Variants in SCIN observed in about 807,000 individuals in gnomAD.
SCIN encodes adseverin.
Under a neutral mutation model 91.8 loss-of-function variants are expected in SCIN, and 91 were observed. That is an observed-to-expected ratio of 0.99 (90% CI 0.84 to 1.18). The LOEUF (loss-of-function observed/expected upper bound fraction) is 1.18, where lower values mean the gene tolerates loss of function less well. Ranked by LOEUF, SCIN falls within the 50% of genes most tolerant of loss-of-function variation. The probability of loss-of-function intolerance (pLI) is 0.00; values close to 1 mark genes in which losing one functional copy is unlikely to be tolerated. For synonymous variants in SCIN, 367 were observed against 312.6 expected (o/e 1.17, Z -1.84); for missense variants, 1,087 against 863.9 (o/e 1.26, Z -3.24).
rs1327066194 is a variant in SCIN at position 12,657,181 on chromosome 7, A to G, written c.*4466A>G. The G allele has an allele frequency of 6.8e-6, 1 of 147,412 alleles. No individual in the cohort carries two copies. Among genetic ancestry groups the G allele is most frequent in the Non-Finnish European group, 1.5e-5 (1 of 66,970 alleles). The allele number at this position is 147,412 out of a possible 1,614,324, so 9.1% of individuals were successfully genotyped here. A position where few individuals can be genotyped will look rare whatever the true frequency, so the allele number is the denominator to read the frequency against. ...CATGGTGTGTACCCAACAAAAATGC[A>G]TACATGTGTGTACTAAAGGATATAA... On this transcript the variant is annotated 3_prime_UTR_variant, in exon 16 of 16. Coordinates refer to ENST00000297029, the MANE Select transcript of SCIN (RefSeq NM_001112706.3).
intron 4 of SCIN, 139 bp downstream of exon 4, chr7:12,604,802 C>G: frequency 7.4e-6 from 5 of 674,226 alleles, no homozygotes; most frequent in Non-Finnish European, 1.2e-5. Flanking sequence ...GTGAGCCTAG[C>G]TACAATTAGT....
In SCIN at chr7:12,652,705, G is replaced by C; in HGVS notation, c.2138G>C (p.Ser713Thr). The change falls in exon 16 of 16, where the codon AGC (serine) becomes ACC (threonine). Residue 713 changes from serine to threonine, a missense_variant. Physicochemically the swap from Ser to Thr is moderately conservative, Grantham distance 58. Transcript: ENST00000297029. Reference sequence around the variant, plus strand: ...GGCTGGTTCCTGGGCTGGGATTCCAGCAAGTGGTAAATTGGTATTTGTAAA... The same window carrying C: ...GGCTGGTTCCTGGGCTGGGATTCCACCAAGTGGTAAATTGGTATTTGTAAA... ...FTGWFLGWDSSKW is the reference protein window; with the variant it reads ...FTGWFLGWDSTKW 6.2e-7 allele frequency: 1 copy of C among 1,603,628 alleles called. No homozygotes were observed. Among genetic ancestry groups the C allele is most frequent in the South Asian group, 1.1e-5 (1 of 89,050 alleles).
chr7:12,620,645 A>G (rs547975841), intron 4 of SCIN, among the ~76,000 whole-genome samples: 1 of 152,232 alleles, frequency 6.6e-6, no homozygotes, highest in East Asian at 1.9e-4. Flanking sequence ...AATAATAATA[A>G]TGACTAAGTG....
At chr7:12,632,523 T>A (rs1194824654) in intron 9 of SCIN, among the ~76,000 whole-genome samples, 1 of 152,132 alleles carries the variant, frequency 6.6e-6, no homozygotes, top group Non-Finnish European at 1.5e-5. Flanking sequence ...GGGAATGTGT[T>A]GCAATAATCC....
At chr7:12,626,288 A>G (rs1296830724) in intron 7 of SCIN, 1 of 380,186 alleles carries the variant, frequency 2.6e-6, no homozygotes, top group Non-Finnish European at 4.7e-6. Context: ...GTCCCTGCAC[A>G]AGGAACACAA....
Position 12,651,799 on chromosome 7 carries a change from C to A in SCIN, c.1960-42C>A, listed in dbSNP as rs1253659866. ...TACATAGGGCCTAGCACTGAGTCAA[C>A]ATCCCAGAAATCATACATATTGTTA... On this transcript the variant is annotated intron_variant, in intron 14 of 15. Transcript: ENST00000297029. The surrounding 1 kb of genome is among the most constrained non-coding windows in gnomAD (Gnocchi z 5.9). 1 of 1,312,530 alleles carries A rather than the reference C, an allele frequency of 7.6e-7. No homozygotes were observed. Among genetic ancestry groups the A allele is most frequent in the South Asian group, 1.3e-5 (1 of 79,170 alleles). 81.3% of individuals were successfully genotyped at this position (1,312,530 alleles called of 1,614,324 possible). A position where few individuals can be genotyped will look rare whatever the true frequency, so the allele number is the denominator to read the frequency against.
rs929632503 is a variant in SCIN, at chr7:12,571,065, T to A, written c.199+80T>A. On this transcript the variant is annotated intron_variant, in intron 1 of 15. Transcript: ENST00000297029. The stretch of plus-strand genomic sequence containing the variant: ...CGTAGGGGTCTGAGATTTGCAGGCG[T>A]GGGAGTAAAGGGGACCGCAAACTGA... 9 of 1,429,358 alleles carry A rather than the reference T, an allele frequency of 6.3e-6. No individual in the cohort carries two copies. The African/African-American group carries it at 1.3e-4, about 20-fold the overall frequency. 88.5% of individuals were successfully genotyped at this position (1,429,358 alleles called of 1,614,324 possible). A position where few individuals can be genotyped will look rare whatever the true frequency, so the allele number is the denominator to read the frequency against.
chr7:12,633,161 T>C (rs917593238), intron 9 of SCIN, among the ~76,000 whole-genome samples: 3 of 152,126 alleles, frequency 2.0e-5, no homozygotes. Flanking sequence ...GAGGCAGAGT[T>C]AAAGGTGAGA....
chr7:12,573,564 T>A (rs1782310653), intron 1 of SCIN, among the ~76,000 whole-genome samples: 1 of 152,206 alleles, frequency 6.6e-6, no homozygotes, highest in Non-Finnish European at 1.5e-5. Context: ...AAAAATTTAT[T>A]GCAAAGAACT....
At chr7:12,632,422 C>T (rs1217903280) in intron 9 of SCIN, among the ~76,000 whole-genome samples, 1 of 152,078 alleles carries the variant, frequency 6.6e-6, no homozygotes, top group Non-Finnish European at 1.5e-5. Context: ...TGAGCCACTG[C>T]ACCTGGCCTG....
At chr7:12,615,617 C>A (rs1471938480) in intron 4 of SCIN, among the ~76,000 whole-genome samples, 3 of 152,016 alleles carry the variant, frequency 2.0e-5, no homozygotes, top group African/African-American at 7.3e-5. Context: ...ACTGGCTTAC[C>A]CCTTTGTTTT....
Position 12,624,993 on chromosome 7 carries a change from C to A in SCIN, c.760-17C>A, listed in dbSNP as rs561355391. 4.5e-6 allele frequency: 7 copies of A among 1,549,768 alleles called. No homozygotes were observed. The South Asian group carries it at 4.8e-5, about 11-fold the overall frequency. On this transcript the variant is annotated splice_polypyrimidine_tract_variant and intron_variant, in intron 5 of 15. Transcript: ENST00000297029. ...CATCCCCAAATGAAAACATGGAGGT[C>A]ATGGTTTTTATATTAGGTTTCAGAT...
chr7:12,577,030 C>A (rs1782387338), intron 1 of SCIN, among the ~76,000 whole-genome samples: 1 of 152,148 alleles, frequency 6.6e-6, no homozygotes, highest in Non-Finnish European at 1.5e-5. Context: ...ACACTACAGA[C>A]ACTGGTTCTT....
chr7:12,634,598 G>T (rs975309101), intron 9 of SCIN, among the ~76,000 whole-genome samples: 30 of 152,146 alleles, frequency 2.0e-4, no homozygotes, highest in African/African-American at 7.0e-4. Flanking sequence ...TCCAAGTTTA[G>T]TATTCCTGCT....
intron 3 of SCIN, among the ~76,000 whole-genome samples, chr7:12,593,362 G>T (rs756260062): frequency 6.6e-6 from 1 of 152,128 alleles, no homozygotes; most frequent in Non-Finnish European, 1.5e-5. Flanking sequence ...AGGTCTTGTT[G>T]TGGGGTTTGA....
chr7:12,648,295 C>CTTT lies in SCIN; in HGVS notation c.1882-1157_1882-1155dup, dbSNP rs35618552. Among the ~76,000 whole-genome samples, 107 of 133,620 alleles carry CTTT rather than the reference C, an allele frequency of 8.0e-4. 1 individual carries two copies. Among genetic ancestry groups the CTTT allele is most frequent in the Non-Finnish European group, 1.3e-3 (80 of 62,640 alleles). The allele number at this position is 133,620 out of a possible 152,430, so 87.7% of individuals were successfully genotyped here. On this transcript the variant is annotated intron_variant, in intron 13 of 15. Coordinates refer to ENST00000297029, the MANE Select transcript of SCIN (RefSeq NM_001112706.3). Reference sequence around the variant, plus strand: ...GCCTATTGACTTTTTCTCTCTCTCTCTTTTTTTTTTTTTTTTTCTGAGACG... The same window carrying CTTT: ...GCCTATTGACTTTTTCTCTCTCTCTCTTTTTTTTTTTTTTTTTTTTCTGAGACG...
At chr7:12,635,656 A>G (rs1186617636) in intron 9 of SCIN, among the ~76,000 whole-genome samples, 8 of 150,598 alleles carry the variant, frequency 5.3e-5, no homozygotes, top group Admixed American at 2.6e-4. Context: ...AAGAAAGACA[A>G]AATGCCCCTA....
intron 4 of SCIN, among the ~76,000 whole-genome samples, chr7:12,606,646 A>G (rs1783085307): frequency 6.6e-6 from 1 of 152,230 alleles, no homozygotes; most frequent in Admixed American, 6.5e-5. Context: ...TAATATGTGT[A>G]TATAGCTCTG....
intron 11 of SCIN, among the ~76,000 whole-genome samples, 184 bp downstream of exon 11, chr7:12,640,701 A>G (rs1453846731): frequency 3.3e-5 from 5 of 152,258 alleles, no homozygotes; most frequent in African/African-American, 1.2e-4. Flanking sequence ...AAAACTCCAG[A>G]TACCAGGCCT....
Sources: allele counts gnomAD v4.1 joint callset (sites outside exome capture counted in the v4.1 genomes callset), GRCh38; gene constraint gnomAD v4.1.1; non-coding constraint Gnocchi (gnomAD v3.1); transcripts MANE v1.5; gene names NCBI Gene and HGNC (gene_info 2026-07-23, HGNC 2026-07-21).